PHF24: variants seen among roughly 807,000 people sequenced by gnomAD.
PHF24 encodes Galpha inhibitory interacting protein.
In PHF24, 25 loss-of-function variants were observed where a neutral mutation model predicts 42.6. That is an observed-to-expected ratio of 0.59 (90% CI 0.43 to 0.82). The LOEUF (loss-of-function observed/expected upper bound fraction) is 0.82, where lower values mean the gene tolerates loss of function less well. Ranked by LOEUF, PHF24 falls within the 40% of genes least tolerant of loss-of-function variation. The pLI is 0.00. For missense variants in PHF24, 470 were observed against 538.1 expected (o/e 0.87, Z 1.25); for synonymous variants, 185 against 204.8 (o/e 0.90, Z 0.83).
At chr9:34,880,401 C>T in the PHF24 span, among the ~76,000 whole-genome samples, 9 of 152,126 alleles carry the variant, frequency 5.9e-5, no homozygotes, top group Non-Finnish European at 8.8e-5. Context: ...AATTAAAAGA[C>T]ACAGACTGGC....
chr9:34,751,370 A>T, the PHF24 span, among the ~76,000 whole-genome samples: 61,335 of 152,042 alleles, frequency 0.4, 13,904 homozygotes, highest in East Asian at 0.6. Context: ...TGTCTCAAAA[A>T]AAATAAATAA....
At chr9:34,847,612 C>A in the PHF24 span, among the ~76,000 whole-genome samples, 1 of 151,786 alleles carries the variant, frequency 6.6e-6, no homozygotes, top group Non-Finnish European at 1.5e-5. Context: ...TGCCTAATTG[C>A]CCTGGCCAGA....
At chr9:34,919,691 T>TACACACACACACACACACACACACACAC in the PHF24 span, among the ~76,000 whole-genome samples, 993 of 148,242 alleles carry the variant, frequency 6.7e-3, 12 homozygotes, top group African/African-American at 0.02. Context: ...ACCCAGTAAT[T>TACACACACACACACACACACACACACAC]ACACACACAC....
chr9:34,905,884 A>G, the PHF24 span, among the ~76,000 whole-genome samples: 2 of 152,242 alleles, frequency 1.3e-5, no homozygotes, highest in African/African-American at 2.4e-5. Flanking sequence ...GGTTGTGGAT[A>G]TCTCCTCATG....
the PHF24 span, among the ~76,000 whole-genome samples, chr9:34,892,205 G>A: frequency 2.0e-5 from 3 of 152,126 alleles, no homozygotes; most frequent in Non-Finnish European, 4.4e-5. Flanking sequence ...AGAGGGTAGA[G>A]CTAGAACCAT....
the PHF24 span, among the ~76,000 whole-genome samples, chr9:34,927,417 C>T: frequency 6.6e-6 from 1 of 151,982 alleles, no homozygotes; most frequent in Non-Finnish European, 1.5e-5. Context: ...TATGCTGCAG[C>T]AGCTTGGCCC....
the PHF24 span, among the ~76,000 whole-genome samples, chr9:34,831,162 A>G: frequency 1.3e-5 from 2 of 152,200 alleles, no homozygotes; most frequent in South Asian, 2.1e-4. Context: ...GTGGGACACA[A>G]TGAAGAGATG....
the PHF24 span, among the ~76,000 whole-genome samples, chr9:34,951,352 G>C: frequency 3.3e-5 from 5 of 152,334 alleles, no homozygotes; most frequent in South Asian, 1.0e-3. Context: ...GGTCTTTGCA[G>C]ATATGATTAA....
the PHF24 span, chr9:34,922,960 A>T: frequency 7.8e-7 from 1 of 1,279,004 alleles, no homozygotes; most frequent in African/African-American, 1.5e-5. Context: ...TTGTGTCGGC[A>T]TGGCCTCGCC....
At chr9:34,829,808 CATCAAG>C in the PHF24 span, among the ~76,000 whole-genome samples, 1 of 152,244 alleles carries the variant, frequency 6.6e-6, no homozygotes, top group East Asian at 1.9e-4. Flanking sequence ...ACTTGAGAGT[CATCAAG>C]ATTAGAACCC....
the PHF24 span, among the ~76,000 whole-genome samples, chr9:34,816,576 C>T: frequency 3.5e-3 from 528 of 152,212 alleles, 9 homozygotes; most frequent in African/African-American, 0.012. Context: ...ATAGATAGTG[C>T]CTTCTCGCTG....
chr9:34,945,223 T>C, the PHF24 span, among the ~76,000 whole-genome samples: 2 of 152,228 alleles, frequency 1.3e-5, no homozygotes, highest in African/African-American at 4.8e-5. Flanking sequence ...AATCTCTGGT[T>C]ACTAGACAAT....
chr9:34,977,016 G>T, intron 5 of PHF24, 67 bp from the exon 6 acceptor site: 1 of 1,501,150 alleles, frequency 6.7e-7, no homozygotes. Flanking sequence ...AATGGAGATA[G>T]GATTCTCTAT....
At chr9:34,971,866 C>T (rs774621652) in intron 2 of PHF24, among the ~76,000 whole-genome samples, 190 bp downstream of exon 2, 2 of 152,240 alleles carry the variant, frequency 1.3e-5, no homozygotes, top group East Asian at 3.9e-4. Flanking sequence ...AGGCTTGGGG[C>T]AATGGATGAT....
the PHF24 span, chr9:34,837,139 A>T: frequency 1.1e-5 from 5 of 471,302 alleles, no homozygotes; most frequent in South Asian, 7.7e-5. Context: ...GAGGAACCAG[A>T]AGACAGTGTT....
the PHF24 span, among the ~76,000 whole-genome samples, chr9:34,714,925 A>G: frequency 3.3e-5 from 5 of 152,050 alleles, no homozygotes; most frequent in Admixed American, 6.5e-5. Context: ...ACAACCCCCT[A>G]GGTCCCATCT....
chr9:34,709,112 T>A, the PHF24 span: 1 of 532,226 alleles, frequency 1.9e-6, no homozygotes, highest in East Asian at 3.2e-5. Flanking sequence ...GTCCTGATGA[T>A]TCTCCTTCAA....
intron 1 of PHF24, among the ~76,000 whole-genome samples, chr9:34,961,486 G>A (rs762244844): frequency 7.9e-5 from 12 of 152,262 alleles, no homozygotes; most frequent in Admixed American, 4.6e-4. Flanking sequence ...TTACTTGCCA[G>A]GCACTATGCT....
chr9:34,898,788 T>G, the PHF24 span, among the ~76,000 whole-genome samples: 12 of 152,172 alleles, frequency 7.9e-5, no homozygotes, highest in Non-Finnish European at 1.6e-4. Context: ...CCCAGCAGAA[T>G]CACCACATCT....
Sources: allele counts gnomAD v4.1 joint callset (sites outside exome capture counted in the v4.1 genomes callset), GRCh38; gene constraint gnomAD v4.1.1; transcripts MANE v1.5; gene names NCBI Gene and HGNC (gene_info 2026-07-23, HGNC 2026-07-21).